Variants in MYRFL observed in about 807,000 individuals in gnomAD.
The protein encoded by MYRFL is myelin regulatory factor-like protein.
In MYRFL, 88 loss-of-function variants were observed where a neutral mutation model predicts 109.4. That is an observed-to-expected ratio of 0.80 (90% CI 0.68 to 0.96). MYRFL has a LOEUF of 0.96. Among genes scored for constraint, MYRFL ranks in the 40% least tolerant of loss-of-function variants. The pLI is 0.00. For synonymous variants in MYRFL, 324 were observed against 320.9 expected (o/e 1.01, Z -0.10); for missense variants, 957 against 954.9 (o/e 1.00, Z -0.03).
At chr12:69,951,172 C>G (rs1360646737) in intron 19 of MYRFL, among the ~76,000 whole-genome samples, 2 of 152,098 alleles carry the variant, frequency 1.3e-5, no homozygotes, top group Non-Finnish European at 2.9e-5. Flanking sequence ...AGCTGCAGAC[C>G]TAGTTGGGGA....
chr12:69,920,995 A>G (rs373108430), intron 13 of MYRFL, among the ~76,000 whole-genome samples: 3 of 152,162 alleles, frequency 2.0e-5, no homozygotes, highest in Admixed American at 6.5e-5. Flanking sequence ...TCATTAGAAA[A>G]TTTTGGTGGC....
chr12:69,937,723 A>ATACT (rs1955514552), intron 19 of MYRFL, among the ~76,000 whole-genome samples: 1 of 152,230 alleles, frequency 6.6e-6, no homozygotes, highest in South Asian at 2.1e-4. Context: ...ATGAACCAGA[A>ATACT]TACTTATAAG....
At position 69,926,929 on chromosome 12, in the gene MYRFL, G is replaced by T. The variant is rs1430496663; in HGVS notation, c.1766+195G>T. 5.0e-5 allele frequency among the ~76,000 whole-genome samples: 3 copies of T among 60,262 alleles called. 1 individual carries two copies. The highest frequency in any genetic ancestry group is 2.1e-4 in the Admixed American group (1 of 4,840). The allele number at this position is 60,262 out of a possible 152,430, so 39.5% of individuals were successfully genotyped here. On this transcript the variant is annotated intron_variant, in intron 14 of 24. Coordinates refer to ENST00000552032, the MANE Select transcript of MYRFL (RefSeq NM_182530.3). ...ATAACTTTCTTAGTTTTTTTCTGTT[G>T]CTGGTTTTTTTTTTTTTTTTTTTTT... is the stretch of plus-strand genomic sequence containing the variant.
At chr12:69,944,590 C>T (rs1190242461) in intron 19 of MYRFL, among the ~76,000 whole-genome samples, 3 of 149,910 alleles carry the variant, frequency 2.0e-5, no homozygotes, top group Non-Finnish European at 3.0e-5. Context: ...GGCTAGATGA[C>T]GAGTTAGTGG....
In MYRFL at chr12:69,878,242, C is replaced by CAAAAAAAAAA. The variant is rs60069243; in HGVS notation, c.138-777_138-768dup. 7.6e-4 allele frequency among the ~76,000 whole-genome samples: 86 copies of CAAAAAAAAAA among 112,690 alleles called. 1 individual carries two copies. Among genetic ancestry groups the CAAAAAAAAAA allele is most frequent in the African/African-American group, 1.9e-3 (55 of 29,228 alleles). The allele number at this position is 112,690 out of a possible 152,430, so 73.9% of individuals were successfully genotyped here. A position where few individuals can be genotyped will look rare whatever the true frequency, so the allele number is the denominator to read the frequency against. On this transcript the variant is annotated intron_variant, in intron 2 of 24. Transcript: ENST00000552032. ...TGGGTAACAGAGCAAGACTCCATCT[C>CAAAAAAAAAA]AAAAAAAAAAAAAAAAAATTACTTG...
Position 69,945,041 on chromosome 12 carries a change from TAAAG to T in MYRFL, c.2225-7064_2225-7061del, listed in dbSNP as rs1288953626. On this transcript the variant is annotated intron_variant, in intron 19 of 24. Transcript: ENST00000552032. Reference sequence around the variant, plus strand: ...GTGAAAAAAAATTAAAATAAAGATATAAAGAAAGAAAATATCTTTGTACAGCTGT... The same window carrying T: ...GTGAAAAAAAATTAAAATAAAGATATAAAGAAAATATCTTTGTACAGCTGT... Among the ~76,000 whole-genome samples the T allele has an allele frequency of 1.6e-3, 250 of 152,174 alleles. 1 individual carries two copies. Among genetic ancestry groups the T allele is most frequent in the African/African-American group, 5.5e-3 (229 of 41,496 alleles).
chr12:69,896,487 A>G (rs1386523595), intron 9 of MYRFL, among the ~76,000 whole-genome samples: 1 of 152,184 alleles, frequency 6.6e-6, no homozygotes, highest in African/African-American at 2.4e-5. Flanking sequence ...TTTGACTTTT[A>G]AGAAGTGGTC....
intron 19 of MYRFL, among the ~76,000 whole-genome samples, chr12:69,942,933 T>C (rs968521028): frequency 6.6e-6 from 1 of 152,040 alleles, no homozygotes; most frequent in Non-Finnish European, 1.5e-5. Context: ...CCATTCACAA[T>C]TGCTTCAAAG....
intron 2 of MYRFL, among the ~76,000 whole-genome samples, chr12:69,877,378 T>G (rs913481497): frequency 6.6e-6 from 1 of 152,140 alleles, no homozygotes; most frequent in Non-Finnish European, 1.5e-5. Flanking sequence ...AGCTCCACCC[T>G]TAGCCCTGAA....
chr12:69,839,122 TTA>T (rs1298183759), intron 1 of MYRFL, among the ~76,000 whole-genome samples: 3 of 152,158 alleles, frequency 2.0e-5, no homozygotes, highest in African/African-American at 7.2e-5. Context: ...TATTTTAAAG[TTA>T]TATATGACTG....
intron 1 of MYRFL, among the ~76,000 whole-genome samples, chr12:69,853,591 C>A (rs1400468623): frequency 6.7e-6 from 1 of 148,188 alleles, no homozygotes; most frequent in Non-Finnish European, 1.5e-5. Context: ...ACTTCCCAGA[C>A]GGGATGGCGG....
intron 13 of MYRFL, among the ~76,000 whole-genome samples, chr12:69,912,100 G>T (rs1043969866): frequency 6.6e-6 from 1 of 152,172 alleles, no homozygotes; most frequent in African/African-American, 2.4e-5. Context: ...ACTCTTAGAT[G>T]ACATGGTCTG....
intron 19 of MYRFL, among the ~76,000 whole-genome samples, chr12:69,940,703 T>G (rs1425688972): frequency 1.3e-5 from 2 of 150,266 alleles, no homozygotes; most frequent in Non-Finnish European, 3.0e-5. Context: ...TAAATGTAAA[T>G]GGACTAAATG....
At chr12:69,955,206 A>C (rs1248283874) in intron 21 of MYRFL, among the ~76,000 whole-genome samples, 157 bp from the exon 22 acceptor site, 1 of 152,196 alleles carries the variant, frequency 6.6e-6, no homozygotes, top group Non-Finnish European at 1.5e-5. Context: ...ATATCCTAAA[A>C]ACAAAAAAAT....
rs185292687 is a variant in MYRFL at position 69,887,950 on chromosome 12, T to A, written c.707+980T>A. ...AGGCTTGGCCTTCCTTAGATTATCT[T>A]TTGGGGAACATTCCATGTTTTGTAA... On this transcript the variant is annotated intron_variant, in intron 6 of 24. Transcript: ENST00000552032. Among the ~76,000 whole-genome samples the A allele has an allele frequency of 1.4e-3, 220 of 152,286 alleles. 5 individuals carry two copies. Among genetic ancestry groups the A allele is most frequent in the Admixed American group, 0.014 (220 of 15,292 alleles).
intron 19 of MYRFL, among the ~76,000 whole-genome samples, chr12:69,938,593 C>A (rs964287243): frequency 6.6e-6 from 1 of 152,050 alleles, no homozygotes; most frequent in Non-Finnish European, 1.5e-5. Context: ...TGATCCTGAC[C>A]TTGTACAGGC....
In MYRFL at chr12:69,927,715, T is replaced by C; in HGVS notation, c.1797T>C (p.Ser599=). 1 of 1,533,772 alleles carries C rather than the reference T, an allele frequency of 6.5e-7. No individual in the cohort carries two copies. Among genetic ancestry groups the C allele is most frequent in the Non-Finnish European group, 8.7e-7 (1 of 1,146,450 alleles). ...CTAGCAGAGCCGTTAGTGCATCTTC[T>C]CCAAGAAGGGCCGTTCATAAAAAAA... is the stretch of plus-strand genomic sequence containing the variant. The part of the protein sequence containing the change: ...SKSSRAVSAS[S]PRRAVHKKNN... The change falls in exon 15 of 25, where the codon TCT becomes TCC. Residue 599 remains serine (S), a synonymous_variant. Coordinates refer to ENST00000552032, the MANE Select transcript of MYRFL (RefSeq NM_182530.3).
At chr12:69,888,678 G>C (rs899812911) in intron 6 of MYRFL, among the ~76,000 whole-genome samples, 3 of 152,196 alleles carry the variant, frequency 2.0e-5, no homozygotes, top group African/African-American at 7.2e-5. Context: ...TCAGCCTAAC[G>C]CTCATATCTT....
intron 1 of MYRFL, among the ~76,000 whole-genome samples, chr12:69,848,748 T>G (rs1285362961): frequency 2.6e-5 from 4 of 152,232 alleles, no homozygotes; most frequent in Non-Finnish European, 5.9e-5. Context: ...TGCTAGTGCC[T>G]TTAGCAGTGT....
Sources: allele counts gnomAD v4.1 joint callset (sites outside exome capture counted in the v4.1 genomes callset), GRCh38; gene constraint gnomAD v4.1.1; transcripts MANE v1.5; gene names NCBI Gene and HGNC (gene_info 2026-07-23, HGNC 2026-07-21).